Variants in TICRR observed in about 807,000 individuals in gnomAD.
The protein encoded by TICRR is TOPBP1 interacting checkpoint and replication regulator, also known as treslin.
In TICRR, 132 loss-of-function variants were observed where a neutral mutation model predicts 178.1. That is an observed-to-expected ratio of 0.74 (90% CI 0.64 to 0.86). The LOEUF (loss-of-function observed/expected upper bound fraction) is 0.86. TICRR is among the 40% of genes least tolerant of loss of function. The pLI is 0.00. For synonymous variants in TICRR, 991 were observed against 900.7 expected, an observed-to-expected ratio of 1.10 and a Z score of -1.79; for missense variants, 2,587 against 2,334.3, an observed-to-expected ratio of 1.11 and a Z score of -2.23.
chr15:89,597,749 T>C (rs1027371213), intron 7 of TICRR, among the ~76,000 whole-genome samples: 4 of 152,214 alleles, frequency 2.6e-5, no homozygotes, highest in Admixed American at 2.6e-4. Context: ...ATATAAACTT[T>C]AGAATCAGTT....
At chr15:89,607,498 T>C (rs2141969792) in intron 14 of TICRR, among the ~76,000 whole-genome samples, 1 of 152,250 alleles carries the variant, frequency 6.6e-6, no homozygotes, top group African/African-American at 2.4e-5. Context: ...CTATAGAAAT[T>C]AAGCTTTTCA....
At chr15:89,610,250 T>A (rs1963236749) in intron 15 of TICRR, among the ~76,000 whole-genome samples, 1 of 152,196 alleles carries the variant, frequency 6.6e-6, no homozygotes, top group Non-Finnish European at 1.5e-5. Flanking sequence ...ATTCAAGTCT[T>A]CTGTTTCCTT....
chr15:89,618,247 C>T (rs369536586), intron 17 of TICRR, 37 bp downstream of exon 17: 35 of 1,588,008 alleles, frequency 2.2e-5, no homozygotes, highest in Non-Finnish European at 2.0e-5. Flanking sequence ...ATGCAATCTA[C>T]CCAGCTTCTA....
chr15:89,592,788 A>G (rs948071691), intron 5 of TICRR, among the ~76,000 whole-genome samples: 1 of 152,232 alleles, frequency 6.6e-6, no homozygotes, highest in Non-Finnish European at 1.5e-5. Flanking sequence ...AATTCAAACT[A>G]TTATTAAGAG....
intron 16 of TICRR, 68 bp downstream of exon 16, chr15:89,616,563 T>C: frequency 3.9e-6 from 5 of 1,269,466 alleles, no homozygotes; most frequent in Non-Finnish European, 5.7e-6. Flanking sequence ...TGTGGGCCAC[T>C]ACTTCGCTTC....
At chr15:89,609,002 A>G (rs1963215033) in intron 15 of TICRR, 53 bp downstream of exon 15, 15 of 1,440,808 alleles carry the variant, frequency 1.0e-5, no homozygotes, top group Non-Finnish European at 7.4e-6. Context: ...CTGTAAGATT[A>G]GTAGTAATGT....
At chr15:89,609,761 C>T (rs778223194) in intron 15 of TICRR, among the ~76,000 whole-genome samples, 35 of 152,022 alleles carry the variant, frequency 2.3e-4, no homozygotes, top group Non-Finnish European at 3.4e-4. Flanking sequence ...TGTGAGCTAC[C>T]GCGTCTGGCC....
chr15:89,595,488 A>T lies in TICRR; in HGVS notation c.1777A>T (p.Lys593Ter). ...CGCAAGGCTGAATGTGAAGGCCCAG[A>T]AGTTACATCCAGATGGCAGTCCGGA... ...NVARLNVKAQKLHPDGSPDVA... is the reference protein window; with the variant it reads ...NVARLNVKAQ The change falls in exon 7 of 22, where the codon AAG (lysine) becomes TAG (stop). Residue 593 changes from lysine to a stop codon, truncating the protein, a stop_gained. Coordinates refer to ENST00000268138, the MANE Select transcript of TICRR (RefSeq NM_152259.4). LOFTEE classifies it high-confidence loss of function. 1 of 1,614,142 alleles carries T rather than the reference A, an allele frequency of 6.2e-7. No individual in the cohort carries two copies. Among genetic ancestry groups the T allele is most frequent in the Non-Finnish European group, 8.5e-7 (1 of 1,180,022 alleles).
chr15:89,625,710 TAAG>T lies in TICRR; in HGVS notation c.5402_5404del (p.Lys1801del). 6.2e-7 allele frequency: 1 copy of T among 1,612,878 alleles called. No individual in the cohort carries two copies. Among genetic ancestry groups the T allele is most frequent in the Non-Finnish European group, 8.5e-7 (1 of 1,179,736 alleles). ...ACCTGAGAGAAGATTCAGAAGTTAG[TAAG>T]AGTAAAGAGGGGTCTCCAAGTTGGA... On this transcript the variant is annotated inframe_deletion, in exon 20 of 22. Transcript: ENST00000268138.
chr15:89,598,035 A>G (rs1005630732), intron 7 of TICRR, among the ~76,000 whole-genome samples: 16 of 152,374 alleles, frequency 1.1e-4, no homozygotes, highest in African/African-American at 3.4e-4. Flanking sequence ...TTTTGCTTGT[A>G]CATTACTGGC....
In TICRR at chr15:89,618,148, C is replaced by G. The variant is rs781013992; in HGVS notation, c.2961-4C>G. The G allele has an allele frequency of 1.2e-6, 2 of 1,614,034 alleles. No individual in the cohort carries two copies. The highest frequency in any genetic ancestry group is 1.1e-5 in the South Asian group (1 of 91,068). Reference sequence around the variant, plus strand: ...AGTAATCCTTGTGCATGTGGTTCCTCGAGGTCCTCTGATCCTGGTCCTGAT... The same window carrying G: ...AGTAATCCTTGTGCATGTGGTTCCTGGAGGTCCTCTGATCCTGGTCCTGAT... On this transcript the variant is annotated splice_region_variant and splice_polypyrimidine_tract_variant and intron_variant, in intron 16 of 21. Transcript: ENST00000268138.
rs1303938643 is a variant in TICRR, at chr15:89,592,058, C to A, written c.1423C>A (p.Pro475Thr). The change falls in exon 5 of 22, where the codon CCA becomes ACA. Residue 475 changes from proline to threonine, a missense_variant. By Grantham distance (38) the Pro-to-Thr change is conservative (BLOSUM62 -1). Transcript: ENST00000268138. Reference sequence around the variant, plus strand: ...CTTTGCTCCAATAGCTTCTCCTGTTCCAGAGTGGGCCCAGCAGGAGCTTGG... The same window carrying A: ...CTTTGCTCCAATAGCTTCTCCTGTTACAGAGTGGGCCCAGCAGGAGCTTGG... ...ADTASAASPV[P>T]EWAQQELGHT... The A allele has an allele frequency of 3.7e-6, 6 of 1,610,556 alleles. No homozygotes were observed. The South Asian group carries it at 5.5e-5, about 15-fold the overall frequency.
In TICRR at chr15:89,579,181, A is replaced by G. The variant is rs370008383; in HGVS notation, c.654+2941A>G. Among the ~76,000 whole-genome samples the G allele has an allele frequency of 5.3e-5, 8 of 152,304 alleles. No individual in the cohort carries two copies. In the East Asian group the frequency reaches 1.3e-3, roughly 26 times the overall value. On this transcript the variant is annotated intron_variant, in intron 1 of 21. Coordinates refer to ENST00000268138, the MANE Select transcript of TICRR (RefSeq NM_152259.4). ...TTGTTCCATACCTGCCAGGTATGCT[A>G]AGGAATCAAATAGATGTGGTCCCTG... is the stretch of plus-strand genomic sequence containing the variant.
intron 12 of TICRR, 82 bp downstream of exon 12, chr15:89,602,058 CTT>C: frequency 6.5e-7 from 1 of 1,528,276 alleles, no homozygotes; most frequent in Non-Finnish European, 8.8e-7. Flanking sequence ...GTCCAGTCAT[CTT>C]TGTCCATATA....
intron 8 of TICRR, among the ~76,000 whole-genome samples, chr15:89,600,117 T>C (rs1365494668): frequency 6.6e-6 from 1 of 152,038 alleles, no homozygotes; most frequent in East Asian, 1.9e-4. Context: ...AAAGAATATA[T>C]ATATATGCCT....
Position 89,608,577 on chromosome 15 carries a change from C to T in TICRR, c.2723-226C>T, listed in dbSNP as rs188973958. On this transcript the variant is annotated intron_variant, in intron 14 of 21. Coordinates refer to ENST00000268138, the MANE Select transcript of TICRR (RefSeq NM_152259.4). Reference sequence around the variant, plus strand: ...GCAAAAGAATGACATTGGACCCCTACCTCATGCAAAATAACATATAAAATT... The same window carrying T: ...GCAAAAGAATGACATTGGACCCCTATCTCATGCAAAATAACATATAAAATT... 3.1e-3 allele frequency among the ~76,000 whole-genome samples: 467 copies of T among 152,292 alleles called. 3 individuals carry two copies. The highest frequency in any genetic ancestry group is 0.01 in the Middle Eastern group (3 of 294).
intron 12 of TICRR, 70 bp from the exon 13 acceptor site, chr15:89,602,726 C>A (rs1185592158): frequency 1.5e-6 from 1 of 684,028 alleles, no homozygotes; most frequent in African/African-American, 1.9e-5. Flanking sequence ...TACTTAGACT[C>A]CAGTTCCATT....
At position 89,624,791 on chromosome 15, in the gene TICRR, C is replaced by T. The variant is rs1163111650; in HGVS notation, c.4481C>T (p.Ala1494Val). 3 of 1,614,080 alleles carry T rather than the reference C, an allele frequency of 1.9e-6. No individual in the cohort carries two copies. Among genetic ancestry groups the T allele is most frequent in the Non-Finnish European group, 2.5e-6 (3 of 1,180,048 alleles). Residue 1494 changes from alanine (A) to valine (V), a missense_variant, in exon 20 of 22, where the codon GCA (alanine) becomes GTA (valine). Physicochemically the swap from Ala to Val is moderately conservative, Grantham distance 64. Coordinates refer to ENST00000268138, the MANE Select transcript of TICRR (RefSeq NM_152259.4). ...GAAGAGGGTGAGGGGCTAAGGACAG[C>T]AGATGCTGAGAAGTCTTCTCTGTCT... Reference protein sequence around the residue: ...SVEEGEGLRTADAEKSSLSHP... With the variant: ...SVEEGEGLRTVDAEKSSLSHP...
chr15:89,590,513 C>G (rs1430915742), intron 4 of TICRR, among the ~76,000 whole-genome samples: 1 of 152,196 alleles, frequency 6.6e-6, no homozygotes, highest in Admixed American at 6.5e-5. Flanking sequence ...TTTACCAGTA[C>G]TCTCTGCTGT....
Sources: allele counts gnomAD v4.1 joint callset (sites outside exome capture counted in the v4.1 genomes callset), GRCh38; gene constraint gnomAD v4.1.1; transcripts MANE v1.5; gene names NCBI Gene and HGNC (gene_info 2026-07-23, HGNC 2026-07-21).